The following SMIM35 variants were observed in gnomAD, a reference collection of about 807,000 sequenced individuals.
SMIM35 encodes the protein small integral membrane protein 35, also known as TMPRSS4 antisense RNA 1 (non-protein coding).
intron 1 of SMIM35, among the ~76,000 whole-genome samples, chr11:118,073,763 C>G (rs548971028): frequency 6.6e-6 from 1 of 152,254 alleles, no homozygotes; most frequent in Non-Finnish European, 1.5e-5. Context: ...CCATGGACAC[C>G]AGCGAGTTCC....
intron 1 of SMIM35, among the ~76,000 whole-genome samples, chr11:118,061,570 G>A (rs1285584223): frequency 6.6e-6 from 1 of 152,058 alleles, no homozygotes; most frequent in Non-Finnish European, 1.5e-5. Flanking sequence ...AAAGGAAGTG[G>A]GAGGGGTGGG....
intron 1 of SMIM35, among the ~76,000 whole-genome samples, chr11:118,020,276 C>CTAAA (rs899040020): frequency 1.3e-5 from 2 of 152,120 alleles, no homozygotes; most frequent in African/African-American, 2.4e-5. Flanking sequence ...AACTAACTGA[C>CTAAA]TAAATAAATA....
At chr11:118,029,766 C>T (rs1489969040) in intron 1 of SMIM35, 2 of 457,250 alleles carry the variant, frequency 4.4e-6, no homozygotes, top group Admixed American at 2.3e-5. Flanking sequence ...GCCCCCTTTC[C>T]CAGAGGTCTG....
chr11:118,053,027 C>T (rs74235117), intron 1 of SMIM35, among the ~76,000 whole-genome samples: 6,097 of 152,228 alleles, frequency 0.04, 212 homozygotes, highest in East Asian at 0.19. Context: ...AGCTCACAGC[C>T]GGGTCCGGTG....
chr11:118,034,282 A>G (rs1011776614), intron 1 of SMIM35, among the ~76,000 whole-genome samples: 1 of 152,258 alleles, frequency 6.6e-6, no homozygotes, highest in Non-Finnish European at 1.5e-5. Context: ...CATCTCACAC[A>G]CACACAAAAA....
In SMIM35 at chr11:118,060,910, T is replaced by C. The variant is rs145964952; in HGVS notation, c.7+25841A>G. On this transcript the variant is annotated intron_variant, in intron 1 of 4. Transcript: ENST00000689828. Reference sequence around the variant, plus strand: ...CTTTTAATTTTCCTTTTTTGATCTATAAGTAAGAGAGGGACAGAGAAAGCA... The same window carrying C: ...CTTTTAATTTTCCTTTTTTGATCTACAAGTAAGAGAGGGACAGAGAAAGCA... Among the ~76,000 whole-genome samples the C allele has an allele frequency of 5.5e-3, 836 of 152,256 alleles. 6 individuals are homozygous for C. The highest frequency in any genetic ancestry group is 0.019 in the African/African-American group (806 of 41,548).
intron 3 of SMIM35, among the ~76,000 whole-genome samples, chr11:118,014,384 AGATG>A (rs72362173): frequency 0.64 from 93,836 of 146,738 alleles, 31,176 homozygotes; most frequent in Non-Finnish European, 0.74. Flanking sequence ...CTTGGGGGAG[AGATG>A]GATGGATGGA....
chr11:118,024,334 G>A (rs1385520863), intron 1 of SMIM35, among the ~76,000 whole-genome samples: 2 of 152,048 alleles, frequency 1.3e-5, no homozygotes, highest in Admixed American at 6.6e-5. Flanking sequence ...CCGACCCTCC[G>A]TAAGAATCAT....
chr11:118,043,152 A>C (rs1447651675), intron 1 of SMIM35, among the ~76,000 whole-genome samples: 1 of 152,252 alleles, frequency 6.6e-6, no homozygotes, highest in East Asian at 1.9e-4. Flanking sequence ...CCAGGGAAAT[A>C]GTCAAGAAAA....
intron 1 of SMIM35, among the ~76,000 whole-genome samples, chr11:118,082,964 T>A (rs957757759): frequency 2.0e-5 from 3 of 152,092 alleles, no homozygotes; most frequent in African/African-American, 7.2e-5. Context: ...AAATGCAGAA[T>A]CCTCGTATGG....
At chr11:118,047,188 G>A (rs1379305676) in intron 1 of SMIM35, among the ~76,000 whole-genome samples, 1 of 152,188 alleles carries the variant, frequency 6.6e-6, no homozygotes, top group Non-Finnish European at 1.5e-5. Context: ...TGGCCCACAT[G>A]TTGTGTGCAT....
At chr11:118,078,034 A>G (rs1210662854) in intron 1 of SMIM35, among the ~76,000 whole-genome samples, 5 of 99,426 alleles carry the variant, frequency 5.0e-5, no homozygotes, top group African/African-American at 1.5e-4. Context: ...AAAAAAAAAA[A>G]AAAAAAAAAA....
chr11:118,074,246 G>T (rs909204759), intron 1 of SMIM35, among the ~76,000 whole-genome samples: 1 of 152,072 alleles, frequency 6.6e-6, no homozygotes, highest in Non-Finnish European at 1.5e-5. Flanking sequence ...ACTCTGCCTC[G>T]GATCTTGACA....
intron 1 of SMIM35, among the ~76,000 whole-genome samples, chr11:118,032,442 G>A (rs1187163825): frequency 6.6e-6 from 1 of 152,156 alleles, no homozygotes; most frequent in Non-Finnish European, 1.5e-5. Context: ...TTCATGATAT[G>A]CATTTTAATG....
intron 4 of SMIM35, among the ~76,000 whole-genome samples, chr11:118,008,797 T>C (rs550036642): frequency 1.3e-5 from 2 of 152,320 alleles, no homozygotes; most frequent in Admixed American, 1.3e-4. Flanking sequence ...CGTGGAGAAC[T>C]CAGAAGAGGT....
chr11:118,037,802 A>G (rs945306891), intron 1 of SMIM35, among the ~76,000 whole-genome samples: 8 of 152,216 alleles, frequency 5.3e-5, no homozygotes, highest in African/African-American at 1.9e-4. Flanking sequence ...TCCTGCTCCA[A>G]TAACAAAAGG....
intron 1 of SMIM35, among the ~76,000 whole-genome samples, chr11:118,065,902 G>A (rs750227796): frequency 1.1e-4 from 16 of 152,190 alleles, no homozygotes; most frequent in Non-Finnish European, 1.3e-4. Context: ...AACAATCAGG[G>A]TCTGATACCT....
chr11:118,029,714 C>T (rs987584994), intron 1 of SMIM35: 5 of 457,290 alleles, frequency 1.1e-5, no homozygotes, highest in Non-Finnish European at 2.2e-5. Context: ...TCTCGTTACA[C>T]CCTACCCTCT....
chr11:118,081,861 G>T (rs1808250687), intron 1 of SMIM35, among the ~76,000 whole-genome samples: 1 of 152,212 alleles, frequency 6.6e-6, no homozygotes, highest in African/African-American at 2.4e-5. Flanking sequence ...TAGGCCTTCA[G>T]TTTTGTGCAC....
Sources: gnomAD v4.1 joint callset for allele counts (sites outside exome capture counted in the v4.1 genomes callset) on GRCh38, gnomAD v4.1.1 for gene constraint, MANE v1.5 for transcripts, NCBI Gene and HGNC (gene_info 2026-07-23, HGNC 2026-07-21) for gene names.